AK5: variants seen among roughly 807,000 people sequenced by gnomAD.
The protein encoded by AK5 is adenylate kinase isoenzyme 5.
Under a neutral mutation model 69.5 loss-of-function variants are expected in AK5, and 27 were observed. That is an observed-to-expected ratio of 0.39 (90% confidence interval 0.29 to 0.54). The LOEUF (loss-of-function observed/expected upper bound fraction) is 0.54, where lower values mean the gene tolerates loss of function less well. Ranked by LOEUF, AK5 falls within the 20% of genes least tolerant of loss-of-function variation. AK5 has a pLI of 0.71. For synonymous variants in AK5, 260 were observed against 244.4 expected (o/e 1.06, Z -0.60); for missense variants, 531 against 700.4 (o/e 0.76, Z 2.73).
At chr1:77,405,592 T>TC (rs147328780) in intron 6 of AK5, among the ~76,000 whole-genome samples, 14,212 of 152,248 alleles carry the variant, frequency 0.093, 912 homozygotes, top group African/African-American at 0.17. Context: ...AGGTGCTGGC[T>TC]CTTTCAGCAC....
intron 6 of AK5, among the ~76,000 whole-genome samples, chr1:77,342,161 G>T (rs1661689244): frequency 1.3e-5 from 2 of 152,128 alleles, no homozygotes; most frequent in Non-Finnish European, 2.9e-5. Context: ...GCCTCCCAAA[G>T]TGCTAGGATT....
At chr1:77,472,169 G>A (rs148462669) in intron 8 of AK5, among the ~76,000 whole-genome samples, 206 of 152,314 alleles carry the variant, frequency 1.4e-3, no homozygotes, top group African/African-American at 4.5e-3. Flanking sequence ...AATTAAAAAT[G>A]TTATTTTCTT....
At chr1:77,557,900 C>G (rs1660203429) in intron 13 of AK5, among the ~76,000 whole-genome samples, 1 of 151,636 alleles carries the variant, frequency 6.6e-6, no homozygotes, top group East Asian at 1.9e-4. Flanking sequence ...CATCCCACCC[C>G]CCACCGCCCT....
intron 8 of AK5, among the ~76,000 whole-genome samples, chr1:77,473,546 C>G (rs1654650929): frequency 6.6e-6 from 1 of 152,176 alleles, no homozygotes; most frequent in African/African-American, 2.4e-5. Flanking sequence ...ACATTTAGAC[C>G]TTTCTAATTG....
At chr1:77,486,287 T>G in intron 9 of AK5, 21 bp from the exon 10 acceptor site, 1 of 1,518,562 alleles carries the variant, frequency 6.6e-7, no homozygotes, top group Admixed American at 1.7e-5. Flanking sequence ...GCCAATAACT[T>G]AAGTTATTCT....
At chr1:77,544,479 CATAA>C (rs1216691391) in intron 13 of AK5, among the ~76,000 whole-genome samples, 2 of 152,010 alleles carry the variant, frequency 1.3e-5, no homozygotes. Context: ...TACAGACGTA[CATAA>C]ATATTTTTTC....
At chr1:77,310,472 C>T (rs2799552) in intron 5 of AK5, among the ~76,000 whole-genome samples, 134,135 of 151,718 alleles carry the variant, frequency 0.88, 59,714 homozygotes, top group Middle Eastern at 0.97. Flanking sequence ...CTCCGCCTTC[C>T]GGGTTCACGC....
intron 5 of AK5, among the ~76,000 whole-genome samples, chr1:77,329,803 C>T (rs2100349753): frequency 6.6e-6 from 1 of 152,258 alleles, no homozygotes; most frequent in South Asian, 2.1e-4. Flanking sequence ...CCCCCAGTCT[C>T]AGGTTGCCGT....
At chr1:77,369,069 G>A (rs1002034584) in intron 6 of AK5, among the ~76,000 whole-genome samples, 1 of 152,032 alleles carries the variant, frequency 6.6e-6, no homozygotes, top group Non-Finnish European at 1.5e-5. Flanking sequence ...ACATCACTAT[G>A]TATGCCATGA....
intron 3 of AK5, among the ~76,000 whole-genome samples, chr1:77,294,234 A>G (rs1170518563): frequency 6.6e-6 from 1 of 152,198 alleles, no homozygotes; most frequent in Non-Finnish European, 1.5e-5. Context: ...TAATACCTTC[A>G]AGATTTATTG....
chr1:77,391,906 T>G (rs1371425954), intron 6 of AK5, among the ~76,000 whole-genome samples: 1 of 152,114 alleles, frequency 6.6e-6, no homozygotes, highest in African/African-American at 2.4e-5. Flanking sequence ...TTATCCTGAG[T>G]CATTTATAGC....
At chr1:77,417,546 A>G in intron 7 of AK5, 93 bp from the exon 8 acceptor site, 1 of 760,160 alleles carries the variant, frequency 1.3e-6, no homozygotes, top group Non-Finnish European at 2.3e-6. Flanking sequence ...TTAATGTGAT[A>G]TAGGAAAATA....
At chr1:77,470,852 TATATATATATATATATATA>T (rs1253101247) in intron 8 of AK5, among the ~76,000 whole-genome samples, 3,333 of 32,402 alleles carry the variant, frequency 0.1, 571 homozygotes, top group East Asian at 0.15. Context: ...TATATATATA[TATATATATATATATATATA>T]TATATTTTTT....
chr1:77,391,050 C>G (rs542664178), intron 6 of AK5, among the ~76,000 whole-genome samples: 1 of 152,070 alleles, frequency 6.6e-6, no homozygotes, highest in East Asian at 1.9e-4. Flanking sequence ...GGCAGCAGAC[C>G]CTCTGACAAG....
chr1:77,512,287 G>T (rs1482706151), intron 10 of AK5, among the ~76,000 whole-genome samples: 1 of 152,270 alleles, frequency 6.6e-6, no homozygotes, highest in South Asian at 2.1e-4. Context: ...GCACACACGG[G>T]TATATCTTAA....
chr1:77,462,894 A>G (rs979181552), intron 8 of AK5, among the ~76,000 whole-genome samples: 1 of 152,200 alleles, frequency 6.6e-6, no homozygotes, highest in African/African-American at 2.4e-5. Flanking sequence ...TCAATTCTTC[A>G]TAAAGTGGAA....
Position 77,367,569 on chromosome 1 carries a change from A to ATATATATATATATTATATATGT in AK5, c.891+27011_891+27012insTATTATATATGTTATATATATA, listed in dbSNP as rs1553139695. Among the ~76,000 whole-genome samples the ATATATATATATATTATATATGT allele has an allele frequency of 2.8e-4, 9 of 31,640 alleles. 1 individual carries two copies. In the South Asian group the frequency reaches 6.1e-3, roughly 22 times the overall value. The allele number at this position is 31,640 out of a possible 152,430, so 20.8% of individuals were successfully genotyped here. ...ATTTATGTTATTTTTATATATATAT[A>ATATATATATATATTATATATGT]TATATATATAATATATATGTTATAT... On this transcript the variant is annotated intron_variant, in intron 6 of 13. Coordinates refer to ENST00000354567, the MANE Select transcript of AK5 (RefSeq NM_174858.3).
intron 8 of AK5, among the ~76,000 whole-genome samples, chr1:77,462,489 C>T (rs888862025): frequency 7.2e-5 from 11 of 152,052 alleles, no homozygotes; most frequent in Non-Finnish European, 1.6e-4. Flanking sequence ...TAACCATGCA[C>T]TCACATTTAA....
Position 77,477,658 on chromosome 1 carries a change from CT to C in AK5, c.1060-5650del, listed in dbSNP as rs199579005. Among the ~76,000 whole-genome samples, 539 of 150,504 alleles carry C rather than the reference CT, an allele frequency of 3.6e-3. 4 individuals are homozygous for C. Among genetic ancestry groups the C allele is most frequent in the African/African-American group, 0.012 (511 of 41,068 alleles). ...ACTTTTAAATCCTTTTTTCTTTTTT[CT>C]TTTTTTTTGCATTTTGAAGTTATCT... On this transcript the variant is annotated intron_variant, in intron 8 of 13. Coordinates refer to ENST00000354567, the MANE Select transcript of AK5 (RefSeq NM_174858.3).
Sources: allele counts gnomAD v4.1 joint callset (sites outside exome capture counted in the v4.1 genomes callset), GRCh38; gene constraint gnomAD v4.1.1; transcripts MANE v1.5; gene names NCBI Gene and HGNC (gene_info 2026-07-23, HGNC 2026-07-21).